The following SIPA1L3 variants were observed in gnomAD, a reference collection of about 807,000 sequenced individuals.
SIPA1L3 encodes the protein signal-induced proliferation-associated 1-like protein 3.
In SIPA1L3, 59 loss-of-function variants were observed where a neutral mutation model predicts 150.1. That is an observed-to-expected ratio of 0.39 (90% CI 0.32 to 0.49). SIPA1L3 has a LOEUF of 0.49. SIPA1L3 is among the 20% of genes least tolerant of loss of function. SIPA1L3 has a pLI of 0.86. For synonymous variants in SIPA1L3, 1,070 were observed against 1,077.6 expected, an observed-to-expected ratio of 0.99 and a Z score of 0.14; for missense variants, 2,211 against 2,489.5, an observed-to-expected ratio of 0.89 and a Z score of 2.38.
intron 1 of SIPA1L3, among the ~76,000 whole-genome samples, chr19:37,920,712 T>C (rs935003481): frequency 6.6e-6 from 1 of 152,238 alleles, no homozygotes; most frequent in Non-Finnish European, 1.5e-5. Context: ...GTTTGCTTTT[T>C]TCTTTTTTTT....
chr19:38,202,482 A>G (rs1423255172), intron 20 of SIPA1L3, among the ~76,000 whole-genome samples: 3 of 151,878 alleles, frequency 2.0e-5, no homozygotes, highest in Admixed American at 6.6e-5. Context: ...CAGCTACTCG[A>G]GAGGCTGTGG....
chr19:38,121,311 G>T (rs1025705146), intron 9 of SIPA1L3, among the ~76,000 whole-genome samples: 1 of 152,140 alleles, frequency 6.6e-6, no homozygotes, highest in South Asian at 2.1e-4. Context: ...GGTGGTGGGC[G>T]CCTGTAGTCC....
chr19:38,045,279 A>T (rs1049167561), intron 2 of SIPA1L3, among the ~76,000 whole-genome samples: 3 of 152,088 alleles, frequency 2.0e-5, no homozygotes, highest in Non-Finnish European at 4.4e-5. Flanking sequence ...CGGGAGGCTG[A>T]GGCACAAGAA....
intron 9 of SIPA1L3, among the ~76,000 whole-genome samples, chr19:38,124,340 G>C: frequency 6.6e-6 from 1 of 151,694 alleles, no homozygotes; most frequent in African/African-American, 2.4e-5. Context: ...CGGCCAGGCA[G>C]AGGCGCTCCT....
At chr19:37,925,343 G>C (rs1304415963) in intron 1 of SIPA1L3, among the ~76,000 whole-genome samples, 1 of 152,138 alleles carries the variant, frequency 6.6e-6, no homozygotes, top group Non-Finnish European at 1.5e-5. Flanking sequence ...AGGGTGGCCA[G>C]GGATGGCCTC....
chr19:37,972,209 T>C (rs541078278), intron 1 of SIPA1L3, among the ~76,000 whole-genome samples: 168 of 111,532 alleles, frequency 1.5e-3, no homozygotes, highest in African/African-American at 5.3e-3. Flanking sequence ...GTGTGTGTCA[T>C]GGGCCCTTTG....
At chr19:38,072,298 C>T (rs1465272858) in intron 2 of SIPA1L3, among the ~76,000 whole-genome samples, 1 of 152,228 alleles carries the variant, frequency 6.6e-6, no homozygotes, top group Non-Finnish European at 1.5e-5. Flanking sequence ...GTGTGAAGTG[C>T]TCTGGAAAGG....
chr19:38,152,380 T>C (rs550674672), intron 12 of SIPA1L3, among the ~76,000 whole-genome samples: 163 of 152,314 alleles, frequency 1.1e-3, no homozygotes, highest in African/African-American at 3.8e-3. Flanking sequence ...TGGTGAGCTT[T>C]GAAGCCCCAG....
At chr19:38,138,768 C>T (rs1009374884) in intron 10 of SIPA1L3, among the ~76,000 whole-genome samples, 1 of 151,762 alleles carries the variant, frequency 6.6e-6, no homozygotes, top group Non-Finnish European at 1.5e-5. Context: ...CATGGTGGCA[C>T]ATGCCTGTAA....
At position 38,119,359 on chromosome 19, in the gene SIPA1L3, G is replaced by T. The variant is rs187701659; in HGVS notation, c.2345G>T (p.Ser782Ile). Residue 782 changes from serine (S) to isoleucine (I), a missense_variant, in exon 9 of 22, where the codon AGT (serine) becomes ATT (isoleucine). By Grantham distance (142) the Ser-to-Ile change is moderately radical. Coordinates refer to ENST00000222345, the MANE Select transcript of SIPA1L3 (RefSeq NM_015073.3). The stretch of plus-strand genomic sequence containing the variant: ...CCTCCTTTCGGCCCCCCCATCCCCA[G>T]TGGAACCACATTCCGCAAATCCGAC... ...DAPPFGPPIP[S>I]GTTFRKSDVF... 5.3e-5 allele frequency: 85 copies of T among 1,614,138 alleles called. No individual in the cohort carries two copies. Among genetic ancestry groups the T allele is most frequent in the East Asian group, 4.0e-4 (18 of 44,874 alleles).
chr19:38,029,804 G>T (rs954813604), intron 2 of SIPA1L3, among the ~76,000 whole-genome samples: 2 of 150,546 alleles, frequency 1.3e-5, no homozygotes, highest in Non-Finnish European at 1.5e-5. Flanking sequence ...TCTCCATGTT[G>T]GTCAGGCTGG....
intron 6 of SIPA1L3, among the ~76,000 whole-genome samples, chr19:38,101,525 C>T (rs560615174): frequency 6.6e-6 from 1 of 152,240 alleles, no homozygotes; most frequent in East Asian, 1.9e-4. Flanking sequence ...ATTCTCCTGC[C>T]TCAGCCTCCC....
At chr19:38,201,266 C>T (rs890848410) in intron 19 of SIPA1L3, among the ~76,000 whole-genome samples, 4 of 152,228 alleles carry the variant, frequency 2.6e-5, no homozygotes, top group East Asian at 1.9e-4. Context: ...CGTTTGAAAA[C>T]GCAAACAGCT....
intron 1 of SIPA1L3, among the ~76,000 whole-genome samples, chr19:37,982,016 C>T (rs1967213621): frequency 6.6e-6 from 1 of 152,188 alleles, no homozygotes; most frequent in African/African-American, 2.4e-5. Flanking sequence ...GCATCTTACG[C>T]ATGTCCACGT....
chr19:38,079,587 C>T (rs1176510937), intron 2 of SIPA1L3, among the ~76,000 whole-genome samples: 8 of 146,630 alleles, frequency 5.5e-5, no homozygotes, highest in African/African-American at 7.6e-5. Flanking sequence ...GATAGGATCT[C>T]GCTTTGTTGC....
intron 1 of SIPA1L3, among the ~76,000 whole-genome samples, chr19:38,018,912 A>T (rs920295447): frequency 6.6e-6 from 1 of 152,102 alleles, no homozygotes; most frequent in African/African-American, 2.4e-5. Flanking sequence ...TGAATGAATG[A>T]CTCAACATCT....
intron 1 of SIPA1L3, among the ~76,000 whole-genome samples, chr19:37,948,809 C>T (rs1158513415): frequency 6.6e-6 from 1 of 152,038 alleles, no homozygotes; most frequent in Non-Finnish European, 1.5e-5. Flanking sequence ...TAGAAGTGAC[C>T]AAGGCAGGCC....
intron 1 of SIPA1L3, among the ~76,000 whole-genome samples, chr19:37,988,662 C>T (rs111873051): frequency 2.0e-4 from 31 of 152,214 alleles, no homozygotes; most frequent in African/African-American, 5.3e-4. Context: ...GGCGACAGAG[C>T]GGGACTCCAT....
chr19:37,929,397 T>C (rs1332067977), intron 1 of SIPA1L3, among the ~76,000 whole-genome samples: 2 of 152,248 alleles, frequency 1.3e-5, no homozygotes, highest in African/African-American at 4.8e-5. Context: ...GTCATCGTGC[T>C]TACCAGCTTT....
Sources: gnomAD v4.1 joint callset for allele counts (sites outside exome capture counted in the v4.1 genomes callset) on GRCh38, gnomAD v4.1.1 for gene constraint, MANE v1.5 for transcripts, NCBI Gene and HGNC (gene_info 2026-07-23, HGNC 2026-07-21) for gene names.